Variants in SLC30A6 observed in about 807,000 individuals in gnomAD.
SLC30A6 encodes the protein solute carrier family 30 member 6.
SLC30A6 carries 55 observed loss-of-function variants against 63.0 expected under a neutral mutation model. The observed-to-expected ratio is 0.87, with a 90% CI of 0.70 to 1.09. The LOEUF is 1.09. Ranked by LOEUF, SLC30A6 falls within the 50% of genes least tolerant of loss-of-function variation. SLC30A6 has a pLI of 0.00. For synonymous variants in SLC30A6, 224 were observed against 186.1 expected (o/e 1.20, Z -1.66); for missense variants, 587 against 549.2 (o/e 1.07, Z -0.69).
At chr2:32,184,724 C>T (rs1394204583) in intron 5 of SLC30A6, among the ~76,000 whole-genome samples, 1 of 152,136 alleles carries the variant, frequency 6.6e-6, no homozygotes, top group African/African-American at 2.4e-5. Flanking sequence ...GAGATCATGC[C>T]ATTGCACTCC....
Position 32,199,108 on chromosome 2 carries a change from T to A in SLC30A6, c.665+1282T>A, listed in dbSNP as rs76998146. ...ATATTTGTTCTTTTGTGTCTGCTTA[T>A]TTCACTTAGCATAATGTCCTCAAGG... On this transcript the variant is annotated intron_variant, in intron 10 of 13. Coordinates refer to ENST00000282587, the MANE Select transcript of SLC30A6 (RefSeq NM_017964.5). Among the ~76,000 whole-genome samples the A allele has an allele frequency of 3.7e-3, 568 of 152,334 alleles. 5 individuals are homozygous for A. The highest frequency in any genetic ancestry group is 0.013 in the African/African-American group (559 of 41,578).
At chr2:32,181,498 A>T (rs965644784) in intron 4 of SLC30A6, among the ~76,000 whole-genome samples, 2 of 152,162 alleles carry the variant, frequency 1.3e-5, no homozygotes, top group African/African-American at 4.8e-5. Flanking sequence ...TTAGACACTG[A>T]ATTTTTCAGA....
rs1558396971 is a variant in SLC30A6, at chr2:32,192,314, CTAAT to C, written c.285-17_285-14del. 6.2e-7 allele frequency: 1 copy of C among 1,606,988 alleles called. No individual in the cohort carries two copies. The highest frequency in any genetic ancestry group is 2.2e-5 in the East Asian group (1 of 44,798). The stretch of plus-strand genomic sequence containing the variant: ...TGTGAATTGAAAGAATTGTGATGAT[CTAAT>C]TAATGTTTTGGTTTCAGGTTTGAAA... On this transcript the variant is annotated intron_variant, in intron 5 of 13. Transcript: ENST00000282587.
At chr2:32,219,938 T>C (rs907477349) in intron 13 of SLC30A6, among the ~76,000 whole-genome samples, 6 of 152,234 alleles carry the variant, frequency 3.9e-5, no homozygotes, top group African/African-American at 1.4e-4. Flanking sequence ...TTGTATTTTT[T>C]GTATGTTTCA....
chr2:32,218,518 C>CTCTTT (rs1553340448), intron 13 of SLC30A6, among the ~76,000 whole-genome samples: 1 of 136,162 alleles, frequency 7.3e-6, no homozygotes, highest in African/African-American at 2.8e-5. Flanking sequence ...CTCAGCTCTC[C>CTCTTT]TCTTTTGTTT....
chr2:32,175,634 A>C (rs1341530541), intron 4 of SLC30A6, among the ~76,000 whole-genome samples: 2 of 152,214 alleles, frequency 1.3e-5, no homozygotes, highest in Non-Finnish European at 2.9e-5. Flanking sequence ...AAATAAGTAA[A>C]ATTATCAACA....
In SLC30A6 at chr2:32,220,328, A is replaced by T; in HGVS notation, c.1001A>T (p.Asp334Val). The change falls in exon 14 of 14, where the codon GAT (aspartate) becomes GTT (valine). Residue 334 changes from aspartate to valine, a missense_variant. Coordinates refer to ENST00000282587, the MANE Select transcript of SLC30A6 (RefSeq NM_017964.5). ...VSTLTVQIFK[D>V]DWIRPALLSG... ...ACTCTAACTGTTCAAATTTTCAAGG[A>T]TGACTGGATTAGGCCTGCCTTATTG... 1 of 1,614,184 alleles carries T rather than the reference A, an allele frequency of 6.2e-7. No individual in the cohort carries two copies. The highest frequency in any genetic ancestry group is 2.2e-5 in the East Asian group (1 of 44,880).
rs143264271 is a variant in SLC30A6 at position 32,212,475 on chromosome 2, G to A, written c.885+2914G>A. Among the ~76,000 whole-genome samples, 636 of 151,050 alleles carry A rather than the reference G, an allele frequency of 4.2e-3. 8 individuals carry two copies. The highest frequency in any genetic ancestry group is 0.015 in the African/African-American group (626 of 41,132). On this transcript the variant is annotated intron_variant, in intron 13 of 13. Coordinates refer to ENST00000282587, the MANE Select transcript of SLC30A6 (RefSeq NM_017964.5). ...TTCCTGAACATTAAAATTAGGAGTG[G>A]TTTAGGGTAGTGTGTACAAATTCAT...
At chr2:32,211,013 T>A (rs1685213055) in intron 13 of SLC30A6, among the ~76,000 whole-genome samples, 1 of 150,398 alleles carries the variant, frequency 6.6e-6, no homozygotes, top group Middle Eastern at 3.5e-3. Context: ...CAGGACAGCT[T>A]TAGAGATCTA....
intron 4 of SLC30A6, among the ~76,000 whole-genome samples, chr2:32,178,627 G>A (rs958190475): frequency 3.3e-5 from 5 of 152,086 alleles, no homozygotes; most frequent in African/African-American, 7.2e-5. Flanking sequence ...TAAGTGAGCC[G>A]GAATCGCACC....
chr2:32,185,078 A>G (rs1682689837), intron 5 of SLC30A6, among the ~76,000 whole-genome samples: 2 of 152,158 alleles, frequency 1.3e-5, no homozygotes, highest in South Asian at 4.1e-4. Flanking sequence ...TTGTTTCCAT[A>G]ATTACTGAGG....
chr2:32,184,209 C>G, intron 4 of SLC30A6, 64 bp from the exon 5 acceptor site: 1 of 907,750 alleles, frequency 1.1e-6, no homozygotes, highest in Non-Finnish European at 1.6e-6. Flanking sequence ...ATTCTGAAAA[C>G]TTAATTTATC....
At chr2:32,203,397 C>G in intron 10 of SLC30A6, 1 of 1,181,186 alleles carries the variant, frequency 8.5e-7, no homozygotes, top group Admixed American at 1.7e-5. Flanking sequence ...GCCATAAGGT[C>G]TCTGGCTTCT....
intron 5 of SLC30A6, among the ~76,000 whole-genome samples, chr2:32,190,566 C>T (rs1683240003): frequency 6.6e-6 from 1 of 151,858 alleles, no homozygotes; most frequent in Admixed American, 6.6e-5. Flanking sequence ...ACACTTTGTT[C>T]TGTTATCACC....
At position 32,223,901 on chromosome 2, in the gene SLC30A6, C is replaced by T. The variant is rs1391410649; in HGVS notation, c.*3188C>T. On this transcript the variant is annotated 3_prime_UTR_variant, in exon 14 of 14. Coordinates refer to ENST00000282587, the MANE Select transcript of SLC30A6 (RefSeq NM_017964.5). ...ATCTCTGAAGTCATGTTTGGAATTA[C>T]ATATAATGTAGCAGGTACTGGAGAG... is the stretch of plus-strand genomic sequence containing the variant. The T allele has an allele frequency of 6.6e-6, 1 of 152,108 alleles. No homozygotes were observed. The highest frequency in any genetic ancestry group is 1.5e-5 in the Non-Finnish European group (1 of 68,054). The allele number at this position is 152,108 out of a possible 1,614,324, so 9.4% of individuals were successfully genotyped here. A position where few individuals can be genotyped will look rare whatever the true frequency, so the allele number is the denominator to read the frequency against.
intron 10 of SLC30A6, chr2:32,202,633 G>T: frequency 1.8e-6 from 1 of 550,432 alleles, no homozygotes; most frequent in South Asian, 1.6e-5. Flanking sequence ...GCCCAGCTCT[G>T]ATTGGATCTT....
rs1683553018 is a variant in SLC30A6, at chr2:32,193,885, T to G, written c.402-4T>G. 1 of 1,609,820 alleles carries G rather than the reference T, an allele frequency of 6.2e-7. No individual in the cohort carries two copies. Among genetic ancestry groups the G allele is most frequent in the Non-Finnish European group, 8.5e-7 (1 of 1,176,834 alleles). Reference sequence around the variant, plus strand: ...AAGGTGAATGTTATCGTTGTTCTTTTTAGGGGAAGATTATTAGTTGGTACT... The same window carrying G: ...AAGGTGAATGTTATCGTTGTTCTTTGTAGGGGAAGATTATTAGTTGGTACT... On this transcript the variant is annotated splice_region_variant and splice_polypyrimidine_tract_variant and intron_variant, in intron 7 of 13. Coordinates refer to ENST00000282587, the MANE Select transcript of SLC30A6 (RefSeq NM_017964.5).
At chr2:32,175,941 C>G (rs1681700772) in intron 4 of SLC30A6, among the ~76,000 whole-genome samples, 1 of 152,132 alleles carries the variant, frequency 6.6e-6, no homozygotes, top group South Asian at 2.1e-4. Context: ...CCACCACACT[C>G]CAGCCTGGGC....
intron 13 of SLC30A6, among the ~76,000 whole-genome samples, chr2:32,218,218 C>T (rs1357527269): frequency 6.6e-6 from 1 of 151,864 alleles, no homozygotes; most frequent in African/African-American, 2.4e-5. Context: ...CCTAGGAGTT[C>T]GAGACCAGCT....
Sources: gnomAD v4.1 joint callset for allele counts (sites outside exome capture counted in the v4.1 genomes callset) on GRCh38, gnomAD v4.1.1 for gene constraint, MANE v1.5 for transcripts, NCBI Gene and HGNC (gene_info 2026-07-23, HGNC 2026-07-21) for gene names.